The following NELL1 variants were observed in gnomAD, a reference collection of about 807,000 sequenced individuals.
The protein encoded by NELL1 is neural EGFL like 1, also known as protein kinase C-binding protein NELL1.
In NELL1, 76 loss-of-function variants were observed where a neutral mutation model predicts 107.4. The observed-to-expected ratio is 0.71, with a 90% CI of 0.59 to 0.86. The LOEUF (loss-of-function observed/expected upper bound fraction) is 0.86, where lower values mean the gene tolerates loss of function less well. NELL1 is among the 40% of genes least tolerant of loss of function. The pLI is 0.00. For missense variants in NELL1, 1,024 were observed against 1,005.5 expected (o/e 1.02, Z -0.25); for synonymous variants, 353 against 341.2 (o/e 1.03, Z -0.38).
intron 3 of NELL1, among the ~76,000 whole-genome samples, chr11:20,788,965 A>G (rs1376538217): frequency 1.3e-5 from 2 of 152,090 alleles, no homozygotes; most frequent in African/African-American, 2.4e-5. Flanking sequence ...TGAATATCCA[A>G]TTGTTTCTTC....
At chr11:20,915,041 A>C (rs1182035967) in intron 5 of NELL1, among the ~76,000 whole-genome samples, 1 of 152,030 alleles carries the variant, frequency 6.6e-6, no homozygotes, top group Non-Finnish European at 1.5e-5. Context: ...TTGATGCTTT[A>C]GAATATTTAT....
At chr11:21,001,905 G>A (rs7104623) in intron 12 of NELL1, among the ~76,000 whole-genome samples, 13 of 151,884 alleles carry the variant, frequency 8.6e-5, no homozygotes, top group Admixed American at 4.6e-4. Context: ...GGAAACAGCC[G>A]TAGGCAGCAG....
chr11:20,731,838 G>A (rs1423620236), intron 2 of NELL1, among the ~76,000 whole-genome samples: 1 of 152,316 alleles, frequency 6.6e-6, no homozygotes, highest in African/African-American at 2.4e-5. Flanking sequence ...GTTGCCATTT[G>A]TAGTGGGAGC....
intron 4 of NELL1, among the ~76,000 whole-genome samples, chr11:20,880,468 G>T (rs1390155373): frequency 6.6e-5 from 10 of 152,172 alleles, no homozygotes; most frequent in Non-Finnish European, 2.9e-5. Context: ...GAAATACAGA[G>T]AAATTAAATT....
chr11:20,816,868 C>T (rs1323622619), intron 3 of NELL1, among the ~76,000 whole-genome samples: 1 of 152,012 alleles, frequency 6.6e-6, no homozygotes, highest in East Asian at 1.9e-4. Context: ...TGGAGTTTAC[C>T]AAAAGCCTTT....
intron 14 of NELL1, among the ~76,000 whole-genome samples, chr11:21,328,717 C>T (rs2133681568): frequency 6.6e-6 from 1 of 152,262 alleles, no homozygotes; most frequent in Non-Finnish European, 1.5e-5. Context: ...GGCAGAGCTG[C>T]CCAAGACTAT....
intron 5 of NELL1, among the ~76,000 whole-genome samples, chr11:20,892,525 T>A (rs1849637819): frequency 6.6e-6 from 1 of 152,228 alleles, no homozygotes; most frequent in African/African-American, 2.4e-5. Flanking sequence ...GATAGTATGG[T>A]GATTCCTTAA....
chr11:21,464,828 C>T (rs4462340), intron 15 of NELL1, among the ~76,000 whole-genome samples: 52,736 of 151,930 alleles, frequency 0.35, 10,103 homozygotes, highest in East Asian at 0.43. Context: ...TATCAGGAGA[C>T]TAATGTATAA....
At position 21,009,339 on chromosome 11, in the gene NELL1, T is replaced by C. The variant is rs375537949; in HGVS notation, c.1300+48779T>C. 3.3e-5 allele frequency among the ~76,000 whole-genome samples: 5 copies of C among 152,248 alleles called. No individual in the cohort carries two copies. The East Asian group carries it at 7.8e-4, about 24-fold the overall frequency. On this transcript the variant is annotated intron_variant, in intron 12 of 19. Coordinates refer to ENST00000357134, the MANE Select transcript of NELL1 (RefSeq NM_006157.5). ...TAACAGTAATTGAAGGTCTTCTGTT[T>C]GTTAGATGGCATGCAAAGTGCTGAG...
intron 13 of NELL1, among the ~76,000 whole-genome samples, chr11:21,195,694 T>C (rs1037690916): frequency 6.6e-6 from 1 of 152,156 alleles, no homozygotes; most frequent in Non-Finnish European, 1.5e-5. Context: ...TACATTCTTC[T>C]TTTTGGAACT....
intron 15 of NELL1, among the ~76,000 whole-genome samples, chr11:21,525,082 G>A (rs2133960460): frequency 6.6e-6 from 1 of 152,318 alleles, no homozygotes; most frequent in South Asian, 2.1e-4. Flanking sequence ...GAATAAAGGT[G>A]AGAGTTGAAA....
At position 20,718,521 on chromosome 11, in the gene NELL1, A is replaced by AGGCAC. The variant is rs577826801; in HGVS notation, c.184+40461_184+40462insGGCAC. Among the ~76,000 whole-genome samples, 640 of 152,100 alleles carry AGGCAC rather than the reference A, an allele frequency of 4.2e-3. 6 individuals carry two copies. The highest frequency in any genetic ancestry group is 6.3e-3 in the Non-Finnish European group (430 of 68,000). On this transcript the variant is annotated intron_variant, in intron 2 of 19. Coordinates refer to ENST00000357134, the MANE Select transcript of NELL1 (RefSeq NM_006157.5). ...TTTTTTCTTTCACTGAGCATCAGCT[A>AGGCAC]TGTGCTAGGCACAGTACTGGGTACT...
chr11:20,952,278 G>C (rs570587991), intron 11 of NELL1, among the ~76,000 whole-genome samples: 1 of 152,262 alleles, frequency 6.6e-6, no homozygotes, highest in Non-Finnish European at 1.5e-5. Flanking sequence ...TCCGACATCT[G>C]TTCCAAATGC....
chr11:21,288,041 A>AAATAAGGGAAGGAAGG (rs1554994468), intron 14 of NELL1, among the ~76,000 whole-genome samples: 1 of 20,360 alleles, frequency 4.9e-5, no homozygotes, highest in African/African-American at 1.3e-4. Flanking sequence ...AAAGAAAGAA[A>AAATAAGGGAAGGAAGG]AAATAAGGGA....
intron 2 of NELL1, among the ~76,000 whole-genome samples, chr11:20,739,403 A>C (rs1238359724): frequency 2.0e-5 from 1 of 50,742 alleles, no homozygotes; most frequent in Non-Finnish European, 4.4e-5. Flanking sequence ...TGGGAGCCAA[A>C]TGCTCAACAT....
intron 4 of NELL1, among the ~76,000 whole-genome samples, chr11:20,857,065 A>C (rs1008657498): frequency 6.6e-6 from 1 of 152,124 alleles, no homozygotes; most frequent in African/African-American, 2.4e-5. Context: ...CATCGCTATT[A>C]TTGTTTGTAA....
At chr11:20,803,567 A>G (rs1465856378) in intron 3 of NELL1, among the ~76,000 whole-genome samples, 1 of 151,500 alleles carries the variant, frequency 6.6e-6, no homozygotes, top group Non-Finnish European at 1.5e-5. Context: ...GACCTTTATT[A>G]TTTCTTTACA....
At chr11:21,094,667 G>C (rs1565056100) in intron 12 of NELL1, among the ~76,000 whole-genome samples, 1 of 152,194 alleles carries the variant, frequency 6.6e-6, no homozygotes, top group African/African-American at 2.4e-5. Flanking sequence ...AAGCTGTCAA[G>C]GCTTGGAGCT....
chr11:20,751,213 T>A (rs1178887155), intron 2 of NELL1, among the ~76,000 whole-genome samples: 1 of 152,172 alleles, frequency 6.6e-6, no homozygotes, highest in Non-Finnish European at 1.5e-5. Context: ...TCTAGGTTCT[T>A]TTCATTTTAA....
Sources: gnomAD v4.1 joint callset for allele counts (sites outside exome capture counted in the v4.1 genomes callset) on GRCh38, gnomAD v4.1.1 for gene constraint, MANE v1.5 for transcripts, NCBI Gene and HGNC (gene_info 2026-07-23, HGNC 2026-07-21) for gene names.